The following ATM variants were observed in gnomAD, a reference collection of about 807,000 sequenced individuals.
ATM encodes ATM serine/threonine kinase.
A neutral mutation model predicts 387.0 loss-of-function variants in ATM; 308 were observed. The ratio of observed to expected loss-of-function variants is 0.80; its 90% confidence interval spans 0.73 to 0.87. The LOEUF is 0.87. ATM is among the 40% of genes least tolerant of loss of function. The pLI is 0.00. For synonymous variants in ATM, 1,156 were observed against 1,187.3 expected (o/e 0.97, Z 0.54); for missense variants, 3,312 against 3,560.9 (o/e 0.93, Z 1.78).
chr11:108,365,490 A>C lies in ATM; in HGVS notation c.9153A>C (p.Gly3051=), dbSNP rs1555152080. 6.2e-7 allele frequency: 1 copy of C among 1,614,154 alleles called. No homozygotes were observed. Among genetic ancestry groups the C allele is most frequent in the East Asian group, 2.2e-5 (1 of 44,880 alleles). Reference sequence around the variant, plus strand: ...AAAATCTCAGCCGACTTTTCCCAGGATGGAAAGCTTGGGTGTGATCTTCAG... The same window carrying C: ...AAAATCTCAGCCGACTTTTCCCAGGCTGGAAAGCTTGGGTGTGATCTTCAG... ...DPKNLSRLFP[G]WKAWV Residue 3051 remains glycine (G), a synonymous_variant, in exon 63 of 63, where the codon GGA becomes GGC. Coordinates refer to ENST00000675843, the MANE Select transcript of ATM (RefSeq NM_000051.4).
chr11:108,315,328 T>C (rs188413294), intron 40 of ATM, among the ~76,000 whole-genome samples: 43 of 152,374 alleles, frequency 2.8e-4, no homozygotes, highest in Admixed American at 2.3e-3. Flanking sequence ...TTTGTTTATA[T>C]TTGTCTTAAC....
Position 108,329,062 on chromosome 11 carries a change from T to C in ATM, c.7131T>C (p.Asp2377=), listed in dbSNP as rs373309822. The part of the protein sequence containing the change: ...VAGNYDGESS[D]ELRNGKMKAF... ...GAAATTATGATGGAGAAAGTAGTGA[T>C]GAGCTAAGAAATGGAAAAATGAAGG... The change falls in exon 49 of 63, where the codon GAT becomes GAC. Residue 2377 remains aspartate (D), a synonymous_variant. Transcript: ENST00000675843. 5 of 1,614,004 alleles carry C rather than the reference T, an allele frequency of 3.1e-6. No homozygotes were observed. Among genetic ancestry groups the C allele is most frequent in the Non-Finnish European group, 3.4e-6 (4 of 1,180,018 alleles).
chr11:108,289,740 G>C lies in ATM; in HGVS notation c.4375G>C (p.Gly1459Arg). 1 of 1,613,692 alleles carries C rather than the reference G, an allele frequency of 6.2e-7. No homozygotes were observed. Among genetic ancestry groups the C allele is most frequent in the East Asian group, 2.2e-5 (1 of 44,862 alleles). The change falls in exon 29 of 63, where the codon GGA becomes CGA. Residue 1459 changes from glycine to arginine, a missense_variant. Gly to Arg is a moderately radical substitution (Grantham distance 125, BLOSUM62 -2). Transcript: ENST00000675843. ...LLKDIKSGLG[G>R]AWAFVLRDVI... ...GAAAGATATAAAAAGTGGCTTAGGA[G>C]GAGCTTGGGCCTTTGTTCTTCGAGA...
At chr11:108,256,491 T>C in intron 14 of ATM, 151 bp downstream of exon 14, 2 of 730,922 alleles carry the variant, frequency 2.7e-6, no homozygotes, top group South Asian at 4.0e-5. Context: ...TTATACTATG[T>C]ATTTTTTAAA....
At chr11:108,280,850 C>T (rs2082192282) in intron 23 of ATM, 145 bp from the exon 24 acceptor site, 11 of 704,254 alleles carry the variant, frequency 1.6e-5, no homozygotes, top group Admixed American at 2.9e-5. Flanking sequence ...TTTCTTGTAC[C>T]AAAAGACAGA....
At chr11:108,320,433 G>T (rs1019511713) in intron 44 of ATM, among the ~76,000 whole-genome samples, 4 of 152,164 alleles carry the variant, frequency 2.6e-5, no homozygotes, top group Non-Finnish European at 4.4e-5. Context: ...AATGTGATGA[G>T]GCATGAGGAA....
At chr11:108,267,003 C>G (rs1474517904) in intron 16 of ATM, among the ~76,000 whole-genome samples, 168 bp from the exon 17 acceptor site, 2 of 152,022 alleles carry the variant, frequency 1.3e-5, no homozygotes, top group East Asian at 3.9e-4. Context: ...ACCATGTTGG[C>G]CAGGCTGGTT....
At chr11:108,344,047 A>C (rs2087959792) in intron 57 of ATM, among the ~76,000 whole-genome samples, 1 of 152,194 alleles carries the variant, frequency 6.6e-6, no homozygotes, top group African/African-American at 2.4e-5. Context: ...AACTTGCCCA[A>C]GGCCAGTGAG....
Position 108,343,331 on chromosome 11 carries a change from C to T in ATM, c.8378C>T (p.Pro2793Leu), listed in dbSNP as rs1354518070. The change falls in exon 57 of 63, where the codon CCA becomes CTA. Residue 2793 changes from proline (P) to leucine (L), a missense_variant. Coordinates refer to ENST00000675843, the MANE Select transcript of ATM (RefSeq NM_000051.4). ...GATGGTGCTCATAAAAGATACAGGC[C>T]AAATGATTTCAGTGCCTTTCAGTGC... ...NEDGAHKRYR[P>L]NDFSAFQCQK... The T allele has an allele frequency of 6.2e-7, 1 of 1,613,850 alleles. No homozygotes were observed. Among genetic ancestry groups the T allele is most frequent in the Non-Finnish European group, 8.5e-7 (1 of 1,179,896 alleles).
chr11:108,294,899 T>G (rs3218682), intron 31 of ATM, 28 bp from the exon 32 acceptor site: 6 of 1,612,666 alleles, frequency 3.7e-6, no homozygotes, highest in Non-Finnish European at 5.1e-6. Flanking sequence ...CAATACGTGT[T>G]AAAAGCAAGT....
In ATM at chr11:108,264,717, G is replaced by A. The variant is rs1426547575; in HGVS notation, c.2467-2454G>A. Among the ~76,000 whole-genome samples, 33 of 135,712 alleles carry A rather than the reference G, an allele frequency of 2.4e-4. 1 individual carries two copies. The South Asian group carries it at 8.6e-3, about 35-fold the overall frequency. 89.0% of individuals were successfully genotyped at this position (135,712 alleles called of 152,430 possible). A position where few individuals can be genotyped will look rare whatever the true frequency, so the allele number is the denominator to read the frequency against. On this transcript the variant is annotated intron_variant, in intron 16 of 62. Transcript: ENST00000675843. ...GTCCCTGTTTGCAGACGACATGATT[G>A]TATATCTAGAAAACCCCACTGTCTC...
At chr11:108,289,839 T>C in intron 29 of ATM, 38 bp downstream of exon 29, 1 of 1,564,630 alleles carries the variant, frequency 6.4e-7, no homozygotes, top group Non-Finnish European at 8.8e-7. Flanking sequence ...AAGCAGTCTT[T>C]CTATCCTGTT....
At chr11:108,270,175 G>A (rs146901842) in intron 18 of ATM, among the ~76,000 whole-genome samples, 31 of 152,286 alleles carry the variant, frequency 2.0e-4, no homozygotes, top group African/African-American at 6.7e-4. Context: ...ATAACTGGTC[G>A]TTGCAGCAGC....
intron 45 of ATM, among the ~76,000 whole-genome samples, chr11:108,321,719 C>T (rs1342918136): frequency 6.6e-6 from 1 of 150,834 alleles, no homozygotes; most frequent in Non-Finnish European, 1.5e-5. Flanking sequence ...GCACAACAGG[C>T]AGAGGTTGTG....
chr11:108,288,174 A>G (rs1005736443), intron 27 of ATM, among the ~76,000 whole-genome samples: 3 of 151,332 alleles, frequency 2.0e-5, no homozygotes, highest in African/African-American at 7.3e-5. Context: ...GGCTCAAGCT[A>G]TCCTTCCTTC....
chr11:108,274,373 C>T (rs1314703751), intron 22 of ATM, among the ~76,000 whole-genome samples: 1 of 151,582 alleles, frequency 6.6e-6, no homozygotes. Context: ...ATCTCCTTCA[C>T]TCAGCTCTGA....
chr11:108,324,407 T>C (rs957305225), intron 45 of ATM, among the ~76,000 whole-genome samples: 9 of 152,164 alleles, frequency 5.9e-5, no homozygotes, highest in Non-Finnish European at 8.8e-5. Flanking sequence ...AATAAATTAA[T>C]ACATTTTAGA....
At chr11:108,292,118 C>G (rs2082827294) in intron 29 of ATM, among the ~76,000 whole-genome samples, 1 of 152,148 alleles carries the variant, frequency 6.6e-6, no homozygotes, top group Non-Finnish European at 1.5e-5. Context: ...TACATCAGTC[C>G]TTGGTTCCAG....
Position 108,340,056 on chromosome 11 carries a change from G to A in ATM, c.8269-3166G>A, listed in dbSNP as rs2087340257. 3.3e-5 allele frequency: 5 copies of A among 152,126 alleles called. No individual in the cohort carries two copies. The South Asian group carries it at 1.0e-3, about 31-fold the overall frequency. 9.4% of individuals were successfully genotyped at this position (152,126 alleles called of 1,614,324 possible). A position where few individuals can be genotyped will look rare whatever the true frequency, so the allele number is the denominator to read the frequency against. On this transcript the variant is annotated intron_variant, in intron 56 of 62. Coordinates refer to ENST00000675843, the MANE Select transcript of ATM (RefSeq NM_000051.4). ...TCCTTAAGGTGTTCACATTCTAATA[G>A]GGAAAATAAACATAATAAACATAAT...
Sources: allele counts gnomAD v4.1 joint callset (sites outside exome capture counted in the v4.1 genomes callset), GRCh38; gene constraint gnomAD v4.1.1; transcripts MANE v1.5; gene names NCBI Gene and HGNC (gene_info 2026-07-23, HGNC 2026-07-21).